HTR1F: variants seen among roughly 807,000 people sequenced by gnomAD.
HTR1F encodes the protein 5-hydroxytryptamine (serotonin) receptor 1F, G protein-coupled.
HTR1F carries 17 observed loss-of-function variants against 24.0 expected under a neutral mutation model. That is an observed-to-expected ratio of 0.71 (90% CI 0.48 to 1.06). HTR1F has a LOEUF of 1.06. Ranked by LOEUF, HTR1F falls within the 50% of genes least tolerant of loss-of-function variation. HTR1F has a pLI of 0.00. For synonymous variants in HTR1F, 186 were observed against 156.8 expected (o/e 1.19, Z -1.39); for missense variants, 391 against 427.8 (o/e 0.91, Z 0.76).
At chr3:87,860,651 T>A (rs1705298302) in intron 2 of HTR1F, among the ~76,000 whole-genome samples, 1 of 152,182 alleles carries the variant, frequency 6.6e-6, no homozygotes, top group Admixed American at 6.5e-5. Context: ...TTTTTCTATT[T>A]TATTAAGGTT....
intron 2 of HTR1F, among the ~76,000 whole-genome samples, chr3:87,957,291 T>C (rs562265812): frequency 6.6e-6 from 1 of 151,462 alleles, no homozygotes; most frequent in Admixed American, 6.6e-5. Flanking sequence ...AACTCTGCAT[T>C]CCTGAGATAA....
At chr3:87,929,011 G>A (rs560794289) in intron 2 of HTR1F, among the ~76,000 whole-genome samples, 24 of 152,268 alleles carry the variant, frequency 1.6e-4, no homozygotes, top group African/African-American at 5.5e-4. Context: ...TTGGAGAAAT[G>A]AGACATTTTT....
chr3:87,845,148 A>C (rs1704910349), intron 2 of HTR1F, among the ~76,000 whole-genome samples: 1 of 151,644 alleles, frequency 6.6e-6, no homozygotes. Context: ...CAAAAACTGG[A>C]AGCATTCCCT....
At chr3:87,941,949 C>T (rs1295159018) in intron 2 of HTR1F, among the ~76,000 whole-genome samples, 2 of 152,030 alleles carry the variant, frequency 1.3e-5, no homozygotes, top group Non-Finnish European at 2.9e-5. Context: ...GCTTTTAGGT[C>T]CTTAATCTTT....
chr3:87,902,583 G>T (rs543955555), intron 2 of HTR1F, among the ~76,000 whole-genome samples: 1 of 151,998 alleles, frequency 6.6e-6, no homozygotes, highest in South Asian at 2.1e-4. Context: ...TTTTTTGTTT[G>T]TTTGTTTCTT....
intron 2 of HTR1F, among the ~76,000 whole-genome samples, chr3:87,893,998 C>G (rs1255113054): frequency 4.0e-5 from 6 of 148,574 alleles, no homozygotes; most frequent in Admixed American, 4.0e-4. Flanking sequence ...CTTTGGACAG[C>G]TTTTTTTATT....
chr3:87,967,718 C>T (rs751548028), intron 2 of HTR1F, among the ~76,000 whole-genome samples: 1 of 152,144 alleles, frequency 6.6e-6, no homozygotes, highest in Non-Finnish European at 1.5e-5. Context: ...GGAAGACATG[C>T]CTTTCACCTT....
chr3:87,945,728 G>A (rs1342549308), intron 2 of HTR1F, among the ~76,000 whole-genome samples: 5 of 152,150 alleles, frequency 3.3e-5, no homozygotes, highest in South Asian at 4.1e-4. Flanking sequence ...CACGCTAATC[G>A]TTTTTAACTG....
chr3:87,840,850 C>T (rs1704787356), intron 2 of HTR1F, among the ~76,000 whole-genome samples: 1 of 151,800 alleles, frequency 6.6e-6, no homozygotes, highest in Non-Finnish European at 1.5e-5. Flanking sequence ...AATACTGTAT[C>T]ATCTCACTTG....
At chr3:87,804,318 T>G (rs1370706276) in intron 1 of HTR1F, among the ~76,000 whole-genome samples, 1 of 152,072 alleles carries the variant, frequency 6.6e-6, no homozygotes, top group Non-Finnish European at 1.5e-5. Context: ...ATGCCTGTGG[T>G]CCCAGCTATT....
intron 2 of HTR1F, among the ~76,000 whole-genome samples, chr3:87,941,653 T>C (rs1456205358): frequency 1.3e-5 from 2 of 152,074 alleles, no homozygotes; most frequent in Non-Finnish European, 2.9e-5. Context: ...TCCAGGTGAG[T>C]TGAGACGTTG....
At chr3:87,869,386 CAA>C (rs1705497072) in intron 2 of HTR1F, among the ~76,000 whole-genome samples, 1 of 137,392 alleles carries the variant, frequency 7.3e-6, no homozygotes, top group Non-Finnish European at 1.6e-5. Flanking sequence ...GATAGATAGA[CAA>C]ACAGATAGAT....
chr3:87,879,599 T>C (rs771553927), intron 2 of HTR1F, among the ~76,000 whole-genome samples: 24 of 152,220 alleles, frequency 1.6e-4, no homozygotes, highest in African/African-American at 3.6e-4. Flanking sequence ...TTCTAGGATA[T>C]GTAGAATTGT....
intron 2 of HTR1F, among the ~76,000 whole-genome samples, chr3:87,839,130 T>C (rs1704746788): frequency 6.6e-6 from 1 of 151,904 alleles, no homozygotes; most frequent in Admixed American, 6.6e-5. Flanking sequence ...CTCAAAAAAA[T>C]CATTGCCTAG....
At chr3:87,890,474 A>G (rs1706054407) in intron 2 of HTR1F, among the ~76,000 whole-genome samples, 1 of 152,106 alleles carries the variant, frequency 6.6e-6, no homozygotes, top group Non-Finnish European at 1.5e-5. Context: ...ATTTTATTCC[A>G]GAAGAATTCT....
intron 2 of HTR1F, among the ~76,000 whole-genome samples, chr3:87,932,416 G>C (rs1428032053): frequency 6.6e-6 from 1 of 151,976 alleles, no homozygotes; most frequent in Non-Finnish European, 1.5e-5. Context: ...CTCTGTTTTG[G>C]TACCAGTACC....
chr3:87,888,523 AG>A (rs1706009502), intron 2 of HTR1F, among the ~76,000 whole-genome samples: 1 of 152,110 alleles, frequency 6.6e-6, no homozygotes, highest in African/African-American at 2.4e-5. Context: ...ATTGAGTATG[AG>A]GAAAAAAACA....
intron 2 of HTR1F, among the ~76,000 whole-genome samples, chr3:87,907,093 C>A (rs1703683027): frequency 6.6e-6 from 1 of 152,046 alleles, no homozygotes; most frequent in Admixed American, 6.6e-5. Context: ...CTACTTTTGG[C>A]TCTTTAAGGA....
chr3:87,928,493 T>C (rs1704182304), intron 2 of HTR1F, among the ~76,000 whole-genome samples: 1 of 152,222 alleles, frequency 6.6e-6, no homozygotes. Context: ...ATTTCATGAC[T>C]ATATATTATT....
Sources: allele counts gnomAD v4.1 joint callset (sites outside exome capture counted in the v4.1 genomes callset), GRCh38; gene constraint gnomAD v4.1.1; transcripts MANE v1.5; gene names NCBI Gene and HGNC (gene_info 2026-07-23, HGNC 2026-07-21).